The following ZDHHC19 variants were observed in gnomAD, a reference collection of about 807,000 sequenced individuals.
ZDHHC19 encodes the protein palmitoyltransferase ZDHHC19.
ZDHHC19 carries 30 observed loss-of-function variants against 33.9 expected under a neutral mutation model. The observed-to-expected ratio is 0.88, with a 90% CI of 0.66 to 1.20. The LOEUF (loss-of-function observed/expected upper bound fraction) is 1.20, where lower values mean the gene tolerates loss of function less well. ZDHHC19 is among the 50% of genes most tolerant of loss of function. The pLI is 0.00. For synonymous variants in ZDHHC19, 178 were observed against 167.6 expected (o/e 1.06, Z -0.48); for missense variants, 364 against 401.1 (o/e 0.91, Z 0.79).
At chr3:196,201,492 G>T (rs1423896585) in intron 5 of ZDHHC19, among the ~76,000 whole-genome samples, 1 of 151,762 alleles carries the variant, frequency 6.6e-6, no homozygotes, top group Non-Finnish European at 1.5e-5. Flanking sequence ...GAAGGCCAAG[G>T]CGGGTGGATC....
chr3:196,208,209 T>A (rs1375141334), intron 4 of ZDHHC19, among the ~76,000 whole-genome samples, 179 bp downstream of exon 4: 1 of 151,792 alleles, frequency 6.6e-6, no homozygotes, highest in Non-Finnish European at 1.5e-5. Flanking sequence ...GGGGGAGGCT[T>A]AACGCTCCGC....
At chr3:196,207,357 G>A (rs771529401) in intron 5 of ZDHHC19, 41 bp downstream of exon 5, 4 of 1,518,086 alleles carry the variant, frequency 2.6e-6, no homozygotes, top group Non-Finnish European at 3.6e-6. Flanking sequence ...GAAGCGCGGA[G>A]GTCCCCGAGG....
chr3:196,207,923 C>T (rs989996237), intron 4 of ZDHHC19, among the ~76,000 whole-genome samples: 2 of 134,648 alleles, frequency 1.5e-5, no homozygotes, highest in African/African-American at 5.4e-5. Context: ...GTGACCCCGC[C>T]AGATTCCTTT....
At position 196,207,447 on chromosome 3, in the gene ZDHHC19, A is replaced by AGCAGCAGGAGGGACAGCG; in HGVS notation, c.620_637dup (p.Pro207_Leu212dup). 6.3e-7 allele frequency: 1 copy of AGCAGCAGGAGGGACAGCG among 1,576,446 alleles called. No homozygotes were observed. The highest frequency in any genetic ancestry group is 1.2e-5 in the South Asian group (1 of 85,972). On this transcript the variant is annotated inframe_insertion, in exon 5 of 8. Transcript: ENST00000296326. ...CGAGCTCACGGACAGTGCCTGGATC[A>AGCAGCAGGAGGGACAGCG]GCAGCAGGAGGGACAGCGGCACCAG...
intron 5 of ZDHHC19, among the ~76,000 whole-genome samples, chr3:196,200,439 C>T (rs1354306041): frequency 1.8e-4 from 26 of 146,690 alleles, no homozygotes; most frequent in Non-Finnish European, 4.5e-5. Context: ...ACTGCAAGCT[C>T]CGCCTCCCAG....
chr3:196,210,966 T>C (rs1041748932), intron 1 of ZDHHC19, among the ~76,000 whole-genome samples: 2 of 151,750 alleles, frequency 1.3e-5, no homozygotes, highest in Admixed American at 1.3e-4. Context: ...CCTTTGCACG[T>C]CGGTTCCTGG....
intron 5 of ZDHHC19, among the ~76,000 whole-genome samples, chr3:196,202,914 G>A (rs1722475259): frequency 6.6e-6 from 1 of 152,152 alleles, no homozygotes; most frequent in African/African-American, 2.4e-5. Flanking sequence ...GTTAAGGGAG[G>A]GTTTTGCTTT....
chr3:196,200,120 A>T (rs1373849294), intron 5 of ZDHHC19, among the ~76,000 whole-genome samples: 2 of 151,072 alleles, frequency 1.3e-5, no homozygotes, highest in Admixed American at 1.3e-4. Context: ...CTCTAAAAAA[A>T]TAAAAATAGG....
Position 196,208,375 on chromosome 3 carries a change from CG to C in ZDHHC19, c.581+12del. ...CCCCGCCTCCTCTCCTGCTTCCCCA[CG>C]TGGGCGGATACGCGATGGCCTTGTC... On this transcript the variant is annotated intron_variant, in intron 4 of 7. Coordinates refer to ENST00000296326, the MANE Select transcript of ZDHHC19 (RefSeq NM_001039617.2). 6.2e-7 allele frequency: 1 copy of C among 1,613,100 alleles called. No homozygotes were observed. Among genetic ancestry groups the C allele is most frequent in the Non-Finnish European group, 8.5e-7 (1 of 1,179,648 alleles).
rs576954717 is a variant in ZDHHC19, at chr3:196,208,390, G to A, written c.579C>T (p.Ile193=). ...TGCTTCCCCACGTGGGCGGATACGC[G>A]ATGGCCTTGTCGGTGGAGAAGGGCA... ...THLPFSTDKA[I]AIVVAVSAAG... The change falls in exon 4 of 8, where the codon ATC becomes ATT. Residue 193 remains isoleucine (I), a splice_region_variant and synonymous_variant. Transcript: ENST00000296326. 3 of 1,613,696 alleles carry A rather than the reference G, an allele frequency of 1.9e-6. No individual in the cohort carries two copies. The highest frequency in any genetic ancestry group is 1.3e-5 in the African/African-American group (1 of 75,020).
At chr3:196,208,737 G>C in intron 3 of ZDHHC19, 177 bp from the exon 4 acceptor site, 1 of 688,724 alleles carries the variant, frequency 1.5e-6, no homozygotes, top group Non-Finnish European at 2.4e-6. Flanking sequence ...CATTTCCCTT[G>C]TTAGAGCACA....
chr3:196,199,442 T>G (rs1215693187), intron 5 of ZDHHC19: 1 of 157,272 alleles, frequency 6.4e-6, no homozygotes, highest in African/African-American at 2.4e-5. Flanking sequence ...ATGTCCCCGC[T>G]CTCCGCCGCA....
intron 5 of ZDHHC19, among the ~76,000 whole-genome samples, chr3:196,200,541 A>G (rs892832077): frequency 6.7e-6 from 1 of 149,410 alleles, no homozygotes; most frequent in Non-Finnish European, 1.5e-5. Flanking sequence ...TTTTTAGTAG[A>G]GACGGGGTTT....
Position 196,208,516 on chromosome 3 carries a change from G to C in ZDHHC19, c.453C>G (p.His151Gln). 6.2e-7 allele frequency: 1 copy of C among 1,614,182 alleles called. No individual in the cohort carries two copies. The highest frequency in any genetic ancestry group is 1.7e-5 in the Admixed American group (1 of 60,024). ...GCAGCATGAAGAAGCGGAAGTTGCG[G>C]TGACCGATGCAGTTATTGACCCACT... ...HCKWVNNCIG[H>Q]RNFRFFMLLV... The change falls in exon 4 of 8, where the codon CAC becomes CAG. Residue 151 changes from histidine (H) to glutamine (Q), a missense_variant. Physicochemically the swap from His to Gln is conservative, Grantham distance 24 (BLOSUM62 0). Coordinates refer to ENST00000296326, the MANE Select transcript of ZDHHC19 (RefSeq NM_001039617.2).
intron 3 of ZDHHC19, chr3:196,209,111 TC>T (rs1723011754): frequency 6.9e-6 from 3 of 437,374 alleles, no homozygotes; most frequent in Non-Finnish European, 1.2e-5. Context: ...GAGGGCTGCC[TC>T]TCCTCCCCTG....
intron 5 of ZDHHC19, among the ~76,000 whole-genome samples, chr3:196,200,388 T>C (rs1577314489): frequency 1.4e-5 from 2 of 146,004 alleles, no homozygotes; most frequent in Admixed American, 7.0e-5. Flanking sequence ...GGAGTCTTGC[T>C]CTGTCACCCA....
In ZDHHC19 at chr3:196,210,501, G is replaced by T. The variant is rs1332158793; in HGVS notation, c.268+115C>A. ...AGGGCCAGAGCAATGAAGACGTGGG[G>T]TGAAGGGGTCCAGAGGCTGGAGGAG... On this transcript the variant is annotated intron_variant, in intron 2 of 7. Coordinates refer to ENST00000296326, the MANE Select transcript of ZDHHC19 (RefSeq NM_001039617.2). 6 of 1,362,466 alleles carry T rather than the reference G, an allele frequency of 4.4e-6. No homozygotes were observed. In the South Asian group the frequency reaches 5.3e-5, roughly 12 times the overall value. The allele number at this position is 1,362,466 out of a possible 1,614,324, so 84.4% of individuals were successfully genotyped here. A position where few individuals can be genotyped will look rare whatever the true frequency, so the allele number is the denominator to read the frequency against.
intron 5 of ZDHHC19, among the ~76,000 whole-genome samples, chr3:196,199,832 C>T (rs1722115768): frequency 2.0e-5 from 3 of 151,746 alleles, no homozygotes; most frequent in South Asian, 2.1e-4. Context: ...GTGATCCCAG[C>T]TACTCGGGAG....
Position 196,211,335 on chromosome 3 carries a change from C to G in ZDHHC19, c.-20G>C. ...TGTCATGGCTGGGCCTCCTTCGCCT[C>G]CAGGGGAGGTCAGAGCCACCAGGCT... is the stretch of plus-strand genomic sequence containing the variant. On this transcript the variant is annotated 5_prime_UTR_variant, in exon 1 of 8. Transcript: ENST00000296326. The G allele has an allele frequency of 1.3e-6, 2 of 1,589,560 alleles. No homozygotes were observed.
Sources: gnomAD v4.1 joint callset for allele counts (sites outside exome capture counted in the v4.1 genomes callset) on GRCh38, gnomAD v4.1.1 for gene constraint, MANE v1.5 for transcripts, NCBI Gene and HGNC (gene_info 2026-07-23, HGNC 2026-07-21) for gene names.